HPF1: variants seen among roughly 807,000 people sequenced by gnomAD.
HPF1 encodes the protein UPF0609 protein C4orf27.
HPF1 carries 35 observed loss-of-function variants against 38.8 expected under a neutral mutation model. The ratio of observed to expected loss-of-function variants is 0.90; its 90% CI spans 0.69 to 1.19. The LOEUF (loss-of-function observed/expected upper bound fraction) is 1.19, where lower values mean the gene tolerates loss of function less well. Ranked by LOEUF, HPF1 falls within the 50% of genes most tolerant of loss-of-function variation. HPF1 has a pLI of 0.00. For missense variants in HPF1, 367 were observed against 405.8 expected, an observed-to-expected ratio of 0.90 and a Z score of 0.82; for synonymous variants, 115 against 139.2, an observed-to-expected ratio of 0.83 and a Z score of 1.22.
Position 169,731,802 on chromosome 4 carries a change from T to C in HPF1, c.811A>G (p.Ile271Val), listed in dbSNP as rs755028036. ...TGCACAAAAGTCATCATTTCCTGAA[T>C]GGGAGCAAAAGCTTTTAGTCTCTCC... ...DEERLKAFAPIQEMMTFVQFA... is the reference protein window; with the variant it reads ...DEERLKAFAPVQEMMTFVQFA... Residue 271 changes from isoleucine (I) to valine (V), a missense_variant, in exon 7 of 8, where the codon ATT (isoleucine) becomes GTT (valine). Physicochemically the swap from Ile to Val is conservative, Grantham distance 29 (BLOSUM62 3). Transcript: ENST00000393381. The C allele has an allele frequency of 6.2e-6, 10 of 1,609,374 alleles. No homozygotes were observed. In the South Asian group the frequency reaches 1.0e-4, roughly 16 times the overall value.
At chr4:169,745,526 A>C (rs997635404) in intron 4 of HPF1, among the ~76,000 whole-genome samples, 3 of 152,242 alleles carry the variant, frequency 2.0e-5, no homozygotes, top group Non-Finnish European at 2.9e-5. Flanking sequence ...TTCATCTCAA[A>C]ATTCAATCAT....
intron 5 of HPF1, among the ~76,000 whole-genome samples, chr4:169,740,516 A>G (rs1226561900): frequency 6.6e-6 from 1 of 152,230 alleles, no homozygotes; most frequent in African/African-American, 2.4e-5. Flanking sequence ...TAACTCACAT[A>G]TACTAGTGGA....
intron 6 of HPF1, among the ~76,000 whole-genome samples, chr4:169,737,090 C>G (rs1041381817): frequency 6.6e-6 from 1 of 152,000 alleles, no homozygotes; most frequent in African/African-American, 2.4e-5. Flanking sequence ...TCCCAAGAAG[C>G]AGGCAATGGG....
chr4:169,752,326 C>T (rs184406790), intron 2 of HPF1, among the ~76,000 whole-genome samples: 133 of 152,120 alleles, frequency 8.7e-4, no homozygotes, highest in Non-Finnish European at 1.3e-3. Flanking sequence ...CCCGCCACCA[C>T]GCCCAGCTAA....
rs1268295491 is a variant in HPF1, at chr4:169,757,909, A to G, written c.-32T>C. 9.8e-6 allele frequency: 15 copies of G among 1,537,668 alleles called. No individual in the cohort carries two copies. In the African/African-American group the frequency reaches 2.1e-4, roughly 21 times the overall value. On this transcript the variant is annotated 5_prime_UTR_variant, in exon 1 of 8. Transcript: ENST00000393381. ...GCTGCAGCGCCAGCAGAATTCCCCG[A>G]TCCGCGGCCGCTTCCGAGCGCCGCC... is the stretch of plus-strand genomic sequence containing the variant.
At chr4:169,737,140 A>G (rs1733906446) in intron 6 of HPF1, among the ~76,000 whole-genome samples, 1 of 152,114 alleles carries the variant, frequency 6.6e-6, no homozygotes, top group Non-Finnish European at 1.5e-5. Flanking sequence ...AAATACAAAA[A>G]TTAGCTGGGC....
Position 169,745,272 on chromosome 4 carries a change from G to A in HPF1, c.498-3165C>T, listed in dbSNP as rs375563226. Among the ~76,000 whole-genome samples the A allele has an allele frequency of 3.3e-5, 5 of 152,322 alleles. No homozygotes were observed. In the East Asian group the frequency reaches 5.8e-4, roughly 18 times the overall value. The stretch of plus-strand genomic sequence containing the variant: ...CCCTGGGGCAGCTCCCTTTCCAAAA[G>A]GACACTGCCCAGCGACAGCAAGGGC... On this transcript the variant is annotated intron_variant, in intron 4 of 7. Coordinates refer to ENST00000393381, the MANE Select transcript of HPF1 (RefSeq NM_017867.3).
Position 169,750,726 on chromosome 4 carries a change from C to A in HPF1, c.209-1G>T. On this transcript the variant is annotated splice_acceptor_variant, in intron 2 of 7. Coordinates refer to ENST00000393381, the MANE Select transcript of HPF1 (RefSeq NM_017867.3). LOFTEE classifies it high-confidence loss of function. ...AGTCCAAGGCTTGCAGAAAGTGAAT[C>A]TATAAAGAAAATAAATTTAGACAAT... 1.9e-6 allele frequency: 3 copies of A among 1,587,568 alleles called. No homozygotes were observed. The highest frequency in any genetic ancestry group is 2.6e-6 in the Non-Finnish European group (3 of 1,166,692).
At chr4:169,729,762 A>C in intron 7 of HPF1, 53 bp from the exon 8 acceptor site, 1 of 1,263,732 alleles carries the variant, frequency 7.9e-7, no homozygotes, top group Non-Finnish European at 1.0e-6. Context: ...TATCCTAATA[A>C]GTAGCAGAAA....
rs1047734 is a variant in HPF1, at chr4:169,729,552, C to T, written c.*26G>A. On this transcript the variant is annotated 3_prime_UTR_variant, in exon 8 of 8. Coordinates refer to ENST00000393381, the MANE Select transcript of HPF1 (RefSeq NM_017867.3). ...AGTTTAATACTAGTCCTTTGAAATA[C>T]TGTACACCAATCAAAGCCACCTTAC... 6.8e-7 allele frequency: 1 copy of T among 1,473,016 alleles called. No homozygotes were observed. Among genetic ancestry groups the T allele is most frequent in the Middle Eastern group, 1.8e-4 (1 of 5,558 alleles). 91.2% of individuals were successfully genotyped at this position (1,473,016 alleles called of 1,614,324 possible). A position where few individuals can be genotyped will look rare whatever the true frequency, so the allele number is the denominator to read the frequency against.
At chr4:169,754,833 C>T (rs1734165730) in intron 1 of HPF1, among the ~76,000 whole-genome samples, 1 of 152,148 alleles carries the variant, frequency 6.6e-6, no homozygotes, top group African/African-American at 2.4e-5. Context: ...GATAGGCATC[C>T]TCAACAAAGA....
intron 5 of HPF1, among the ~76,000 whole-genome samples, chr4:169,741,100 C>A (rs1325431717): frequency 6.6e-6 from 1 of 152,130 alleles, no homozygotes; most frequent in Non-Finnish European, 1.5e-5. Context: ...GTCTATAGGA[C>A]TAAAGAGTGC....
chr4:169,752,512 C>T (rs1304309889), intron 2 of HPF1, among the ~76,000 whole-genome samples: 3 of 152,078 alleles, frequency 2.0e-5, no homozygotes, highest in Non-Finnish European at 2.9e-5. Context: ...GTTTCTTTAT[C>T]CTTTCAGAGA....
chr4:169,746,019 A>C (rs964005809), intron 4 of HPF1, among the ~76,000 whole-genome samples: 4 of 152,206 alleles, frequency 2.6e-5, no homozygotes, highest in Non-Finnish European at 5.9e-5. Context: ...AAAATAAATA[A>C]GGCAGAAGGA....
intron 1 of HPF1, among the ~76,000 whole-genome samples, chr4:169,757,164 C>A (rs755581284): frequency 1.2e-4 from 18 of 152,158 alleles, no homozygotes; most frequent in Non-Finnish European, 2.2e-4. Context: ...TCCTCCTCCC[C>A]TCTCAGTAGT....
At chr4:169,748,681 C>T in intron 4 of HPF1, 63 bp downstream of exon 4, 2 of 785,412 alleles carry the variant, frequency 2.5e-6, no homozygotes, top group Non-Finnish European at 4.0e-6. Context: ...CCCTCAAACC[C>T]CCTTTGTAAT....
chr4:169,731,735 A>C lies in HPF1; in HGVS notation c.878T>G (p.Leu293Trp). The C allele has an allele frequency of 1.3e-6, 2 of 1,571,040 alleles. No individual in the cohort carries two copies. The highest frequency in any genetic ancestry group is 1.7e-6 in the Non-Finnish European group (2 of 1,164,284). ...DECDYGMGLELGMDLFCYGSH... is the reference protein window; with the variant it reads ...DECDYGMGLEWGMDLFCYGSH... ...GCCATAGCAAAAGAGATCCATTCCC[A>C]ATTCAAGCCCCATGCCATAATCACA... is the stretch of plus-strand genomic sequence containing the variant. Residue 293 changes from leucine to tryptophan, a missense_variant, in exon 7 of 8, where the codon TTG becomes TGG. By Grantham distance (61) the Leu-to-Trp change is moderately conservative (BLOSUM62 -2). Coordinates refer to ENST00000393381, the MANE Select transcript of HPF1 (RefSeq NM_017867.3).
At chr4:169,735,643 A>G (rs1733882103) in intron 6 of HPF1, among the ~76,000 whole-genome samples, 1 of 152,228 alleles carries the variant, frequency 6.6e-6, no homozygotes, top group Non-Finnish European at 1.5e-5. Context: ...AAAGCTTTAG[A>G]GACTGCCCAT....
At chr4:169,739,025 A>T (rs1317858760) in intron 5 of HPF1, among the ~76,000 whole-genome samples, 14 of 152,200 alleles carry the variant, frequency 9.2e-5, no homozygotes, top group Admixed American at 9.2e-4. Flanking sequence ...GCATTAGGAG[A>T]TATACCTAAT....
Sources: allele counts gnomAD v4.1 joint callset (sites outside exome capture counted in the v4.1 genomes callset), GRCh38; gene constraint gnomAD v4.1.1; transcripts MANE v1.5; gene names NCBI Gene and HGNC (gene_info 2026-07-23, HGNC 2026-07-21).